SLCO5A1: variants seen among roughly 807,000 people sequenced by gnomAD.
SLCO5A1 encodes solute carrier organic anion transporter family member 5A1.
A neutral mutation model predicts 65.1 loss-of-function variants in SLCO5A1; 39 were observed. The ratio of observed to expected loss-of-function variants is 0.60; its 90% CI spans 0.46 to 0.78. The LOEUF is 0.78. Ranked by LOEUF, SLCO5A1 falls within the 30% of genes least tolerant of loss-of-function variation. The pLI, the probability that SLCO5A1 is intolerant of heterozygous loss-of-function variation, is 0.00. For missense variants in SLCO5A1, 1,029 were observed against 1,069.4 expected (o/e 0.96, Z 0.53); for synonymous variants, 438 against 415.7 (o/e 1.05, Z -0.65).
chr8:69,816,536 C>A (rs183256730), intron 2 of SLCO5A1, among the ~76,000 whole-genome samples: 3 of 152,296 alleles, frequency 2.0e-5, no homozygotes, highest in African/African-American at 7.2e-5. Flanking sequence ...CTGGCTACTG[C>A]AGGAGCACCC....
At chr8:69,793,560 C>T (rs1819360982) in intron 2 of SLCO5A1, among the ~76,000 whole-genome samples, 1 of 152,088 alleles carries the variant, frequency 6.6e-6, no homozygotes, top group South Asian at 2.1e-4. Flanking sequence ...GGCCTATCCT[C>T]TTGAGGTCAG....
intron 3 of SLCO5A1, among the ~76,000 whole-genome samples, chr8:69,757,183 T>C (rs1244138272): frequency 1.3e-5 from 2 of 152,170 alleles, no homozygotes; most frequent in African/African-American, 4.8e-5. Flanking sequence ...ATATTTAAAG[T>C]TACATCAAAT....
At chr8:69,725,007 T>C (rs531948710) in intron 5 of SLCO5A1, among the ~76,000 whole-genome samples, 1 of 152,334 alleles carries the variant, frequency 6.6e-6, no homozygotes, top group African/African-American at 2.4e-5. Flanking sequence ...ATTTGATAAA[T>C]AGGGAGAAAA....
intron 2 of SLCO5A1, among the ~76,000 whole-genome samples, chr8:69,765,401 T>TATATATACACACACACACACACAC (rs918909833): frequency 2.0e-5 from 3 of 149,638 alleles, no homozygotes; most frequent in African/African-American, 7.4e-5. Context: ...TATATATATA[T>TATATATACACACACACACACACAC]ACACACACAC....
chr8:69,766,953 A>G (rs1315748255), intron 2 of SLCO5A1, among the ~76,000 whole-genome samples: 1 of 152,218 alleles, frequency 6.6e-6, no homozygotes, highest in Non-Finnish European at 1.5e-5. Context: ...AGTAGATGTC[A>G]TGATGAAACT....
At chr8:69,732,573 T>C (rs1336528127) in intron 5 of SLCO5A1, among the ~76,000 whole-genome samples, 3 of 152,108 alleles carry the variant, frequency 2.0e-5, no homozygotes, top group African/African-American at 4.8e-5. Context: ...AAAAATCACA[T>C]AGCGAGGCCG....
intron 6 of SLCO5A1, among the ~76,000 whole-genome samples, chr8:69,688,014 C>T (rs1814075172): frequency 6.6e-6 from 1 of 151,944 alleles, no homozygotes; most frequent in Admixed American, 6.6e-5. Context: ...ACCTTACAGA[C>T]TTCATGTTGA....
intron 6 of SLCO5A1, among the ~76,000 whole-genome samples, chr8:69,690,545 T>G (rs549692155): frequency 7.9e-5 from 12 of 152,360 alleles, no homozygotes; most frequent in African/African-American, 2.6e-4. Flanking sequence ...GCTGGTCAAC[T>G]ATCTAAAGAC....
chr8:69,799,050 A>T (rs1236902804), intron 2 of SLCO5A1, among the ~76,000 whole-genome samples: 1 of 152,248 alleles, frequency 6.6e-6, no homozygotes, highest in Non-Finnish European at 1.5e-5. Context: ...AAAAGTTTGA[A>T]ATATGATTTA....
At chr8:69,758,127 A>G (rs570300321) in intron 3 of SLCO5A1, among the ~76,000 whole-genome samples, 1 of 152,292 alleles carries the variant, frequency 6.6e-6, no homozygotes, top group African/African-American at 2.4e-5. Flanking sequence ...CAAATTAACA[A>G]TCAGTTCATG....
chr8:69,813,695 T>C (rs1470707094), intron 2 of SLCO5A1, among the ~76,000 whole-genome samples: 1 of 152,164 alleles, frequency 6.6e-6, no homozygotes, highest in Non-Finnish European at 1.5e-5. Flanking sequence ...TCTGGAGACC[T>C]GAGTCTCAAG....
At chr8:69,730,700 G>A (rs1816300456) in intron 5 of SLCO5A1, among the ~76,000 whole-genome samples, 1 of 152,138 alleles carries the variant, frequency 6.6e-6, no homozygotes, top group Non-Finnish European at 1.5e-5. Context: ...AGGATGGTTT[G>A]TACCAGCTTG....
intron 2 of SLCO5A1, among the ~76,000 whole-genome samples, chr8:69,783,450 G>A (rs1818887662): frequency 6.6e-6 from 1 of 151,556 alleles, no homozygotes; most frequent in Non-Finnish European, 1.5e-5. Context: ...CACCTACTCT[G>A]TACCTACGAA....
intron 4 of SLCO5A1, among the ~76,000 whole-genome samples, chr8:69,746,878 T>C (rs1268114242): frequency 6.6e-6 from 1 of 152,176 alleles, no homozygotes; most frequent in East Asian, 1.9e-4. Flanking sequence ...CAGCTGCCAC[T>C]GCGAGCATAC....
chr8:69,830,320 C>T (rs997306952), intron 2 of SLCO5A1, among the ~76,000 whole-genome samples: 7 of 152,116 alleles, frequency 4.6e-5, no homozygotes, highest in African/African-American at 1.7e-4. Context: ...CAGCACATTG[C>T]TAATAAATTG....
At chr8:69,681,630 C>T (rs1813776025) in intron 7 of SLCO5A1, among the ~76,000 whole-genome samples, 1 of 152,114 alleles carries the variant, frequency 6.6e-6, no homozygotes, top group South Asian at 2.1e-4. Flanking sequence ...AACCTTCTCC[C>T]ACAGTATTAC....
intron 2 of SLCO5A1, among the ~76,000 whole-genome samples, chr8:69,822,918 G>T (rs1468605549): frequency 6.6e-6 from 1 of 152,204 alleles, no homozygotes; most frequent in African/African-American, 2.4e-5. Context: ...GTCAGGGCTG[G>T]CAATTAGTGG....
intron 5 of SLCO5A1, among the ~76,000 whole-genome samples, chr8:69,709,401 G>C (rs1250540708): frequency 2.6e-5 from 4 of 152,160 alleles, no homozygotes; most frequent in Non-Finnish European, 4.4e-5. Context: ...CCCTGAATAG[G>C]GGGAGAGAAA....
intron 5 of SLCO5A1, 87 bp from the exon 6 acceptor site, chr8:69,705,316 G>A: frequency 1.5e-6 from 2 of 1,324,836 alleles, no homozygotes; most frequent in Non-Finnish European, 1.1e-6. Flanking sequence ...CAGTAGTACT[G>A]AGGTAAAAAA....
Sources: allele counts gnomAD v4.1 joint callset (sites outside exome capture counted in the v4.1 genomes callset), GRCh38; gene constraint gnomAD v4.1.1; transcripts MANE v1.5; gene names NCBI Gene and HGNC (gene_info 2026-07-23, HGNC 2026-07-21).